ADGRL4: variants seen among roughly 807,000 people sequenced by gnomAD.
ADGRL4 encodes EGF, latrophilin and seven transmembrane domain containing 1.
In ADGRL4, 90 loss-of-function variants were observed where a neutral mutation model predicts 74.8. The ratio of observed to expected loss-of-function variants is 1.20; its 90% confidence interval spans 1.02 to 1.43. The LOEUF (loss-of-function observed/expected upper bound fraction) is 1.43, where lower values mean the gene tolerates loss of function less well. Among genes scored for constraint, ADGRL4 ranks in the 40% most tolerant of loss-of-function variants. The pLI is 0.00. For missense variants in ADGRL4, 881 were observed against 814.3 expected (o/e 1.08, Z -1.00); for synonymous variants, 311 against 279.2 (o/e 1.11, Z -1.14).
At chr1:78,976,722 C>T (rs1480011948) in intron 2 of ADGRL4, among the ~76,000 whole-genome samples, 1 of 151,148 alleles carries the variant, frequency 6.6e-6, no homozygotes, top group East Asian at 1.9e-4. Context: ...ACAATCAAAG[C>T]TTGTTCAGGA....
chr1:78,919,645 T>C (rs192128778), intron 10 of ADGRL4, among the ~76,000 whole-genome samples: 31 of 151,860 alleles, frequency 2.0e-4, no homozygotes, highest in African/African-American at 7.2e-4. Flanking sequence ...AATAAATCTA[T>C]TGCATACTTA....
chr1:79,003,923 T>C (rs571375651), intron 2 of ADGRL4, among the ~76,000 whole-genome samples: 6 of 152,032 alleles, frequency 3.9e-5, no homozygotes, highest in Admixed American at 3.9e-4. Context: ...ATATTACAAA[T>C]TCTGGCTGTT....
intron 2 of ADGRL4, among the ~76,000 whole-genome samples, chr1:78,976,811 T>C (rs1349463143): frequency 1.3e-5 from 2 of 150,210 alleles, no homozygotes; most frequent in Non-Finnish European, 3.0e-5. Flanking sequence ...AAAAAAAACC[T>C]CCAGACCCAA....
intron 12 of ADGRL4, among the ~76,000 whole-genome samples, chr1:78,911,735 T>C (rs1648767132): frequency 6.6e-6 from 1 of 151,860 alleles, no homozygotes; most frequent in Non-Finnish European, 1.5e-5. Flanking sequence ...AATACAAAAA[T>C]GTAGGTATAG....
intron 2 of ADGRL4, among the ~76,000 whole-genome samples, chr1:78,997,436 T>C (rs76590266): frequency 0.018 from 2,674 of 152,302 alleles, 35 homozygotes; most frequent in Admixed American, 0.03. Flanking sequence ...TGTATCTTGA[T>C]ACCTCTTCCT....
At chr1:78,979,120 C>G (rs1318865082) in intron 2 of ADGRL4, among the ~76,000 whole-genome samples, 1 of 151,874 alleles carries the variant, frequency 6.6e-6, no homozygotes, top group Non-Finnish European at 1.5e-5. Context: ...CAAAGTGAGT[C>G]TAAGATTTTA....
At chr1:78,926,843 T>G in intron 8 of ADGRL4, 43 bp downstream of exon 8, 2 of 1,412,366 alleles carry the variant, frequency 1.4e-6, no homozygotes, top group South Asian at 2.4e-5. Context: ...GTTCTCTGAC[T>G]GTATCACAAT....
In ADGRL4 at chr1:78,969,658, A is replaced by G. The variant is rs140142465; in HGVS notation, c.173-23232T>C. Among the ~76,000 whole-genome samples the G allele has an allele frequency of 3.4e-3, 513 of 151,894 alleles. 4 individuals are homozygous for G. Among genetic ancestry groups the G allele is most frequent in the African/African-American group, 0.012 (487 of 41,414 alleles). ...TTCAAATAATCAGGACAAGTATAAG[A>G]CTAAAGTCTGTTTTGCAAATGACTC... On this transcript the variant is annotated intron_variant, in intron 2 of 14. Coordinates refer to ENST00000370742, the MANE Select transcript of ADGRL4 (RefSeq NM_022159.4).
chr1:78,960,456 C>G (rs539068668), intron 2 of ADGRL4, among the ~76,000 whole-genome samples: 2 of 152,008 alleles, frequency 1.3e-5, no homozygotes, highest in South Asian at 4.2e-4. Flanking sequence ...ATTATAGCCC[C>G]GACACTCTTA....
intron 12 of ADGRL4, among the ~76,000 whole-genome samples, chr1:78,913,900 A>T (rs1387202482): frequency 6.6e-6 from 1 of 151,888 alleles, no homozygotes; most frequent in Non-Finnish European, 1.5e-5. Flanking sequence ...GAGGAGAGTA[A>T]ATGGATGAGT....
intron 2 of ADGRL4, among the ~76,000 whole-genome samples, chr1:79,000,113 G>A (rs1650811699): frequency 6.6e-6 from 1 of 151,932 alleles, no homozygotes; most frequent in African/African-American, 2.4e-5. Flanking sequence ...CATCCTATTA[G>A]TTACTGGATA....
intron 2 of ADGRL4, among the ~76,000 whole-genome samples, chr1:78,997,316 A>G (rs1276451867): frequency 6.6e-6 from 1 of 152,140 alleles, no homozygotes; most frequent in Non-Finnish European, 1.5e-5. Context: ...TCCCTATTCT[A>G]TCCCGCAACC....
At chr1:78,926,250 C>T (rs1649112303) in intron 8 of ADGRL4, among the ~76,000 whole-genome samples, 1 of 152,034 alleles carries the variant, frequency 6.6e-6, no homozygotes, top group African/African-American at 2.4e-5. Context: ...TTTAAGATAA[C>T]ATCAACTGTG....
rs768581878 is a variant in ADGRL4 at position 78,936,459 on chromosome 1, T to G, written c.761-48A>C. On this transcript the variant is annotated intron_variant, in intron 6 of 14. Coordinates refer to ENST00000370742, the MANE Select transcript of ADGRL4 (RefSeq NM_022159.4). ...AAAAAAGTGAAATTACTTTAATCAA[T>G]ATACATCATAAATATATTAGCTTAG... is the stretch of plus-strand genomic sequence containing the variant. 4.2e-6 allele frequency: 6 copies of G among 1,432,814 alleles called. No individual in the cohort carries two copies. In the East Asian group the frequency reaches 1.5e-4, roughly 35 times the overall value. The allele number at this position is 1,432,814 out of a possible 1,614,324, so 88.8% of individuals were successfully genotyped here.
chr1:79,006,613 CA>C lies in ADGRL4; in HGVS notation c.22+19del. ...TGGTCCCTCCGACGACCTCGGCGAC[CA>C]GGGGCGCTGAGCACTCACCTAGGAG... On this transcript the variant is annotated intron_variant, in intron 1 of 14. Coordinates refer to ENST00000370742, the MANE Select transcript of ADGRL4 (RefSeq NM_022159.4). 2 of 1,537,020 alleles carry C rather than the reference CA, an allele frequency of 1.3e-6. No individual in the cohort carries two copies. Among genetic ancestry groups the C allele is most frequent in the Non-Finnish European group, 1.8e-6 (2 of 1,141,570 alleles).
At chr1:78,927,704 C>T (rs535890614) in intron 7 of ADGRL4, among the ~76,000 whole-genome samples, 1 of 152,126 alleles carries the variant, frequency 6.6e-6, no homozygotes, top group South Asian at 2.1e-4. Flanking sequence ...CCAAATAGCG[C>T]AAAATCATAA....
At chr1:78,906,310 T>C (rs1355325259) in intron 12 of ADGRL4, among the ~76,000 whole-genome samples, 1 of 152,060 alleles carries the variant, frequency 6.6e-6, no homozygotes, top group African/African-American at 2.4e-5. Context: ...GTATTAGCAC[T>C]TCATATTTTT....
intron 2 of ADGRL4, among the ~76,000 whole-genome samples, chr1:79,004,806 C>T (rs1392411762): frequency 6.6e-6 from 1 of 152,124 alleles, no homozygotes; most frequent in African/African-American, 2.4e-5. Flanking sequence ...CCCTCTACAC[C>T]TGGATCTCCA....
intron 12 of ADGRL4, among the ~76,000 whole-genome samples, chr1:78,903,855 GA>G (rs1648569311): frequency 6.6e-6 from 1 of 151,782 alleles, no homozygotes; most frequent in African/African-American, 2.4e-5. Flanking sequence ...AGAATCCCTT[GA>G]ACCTGAGAGG....
Sources: allele counts gnomAD v4.1 joint callset (sites outside exome capture counted in the v4.1 genomes callset), GRCh38; gene constraint gnomAD v4.1.1; transcripts MANE v1.5; gene names NCBI Gene and HGNC (gene_info 2026-07-23, HGNC 2026-07-21).